Variants in RORA observed in about 807,000 individuals in gnomAD.
The protein encoded by RORA is nuclear receptor ROR-alpha.
In RORA, 7 loss-of-function variants were observed where a neutral mutation model predicts 69.5. The ratio of observed to expected loss-of-function variants is 0.10; its 90% confidence interval spans 0.06 to 0.19. The LOEUF is 0.19. RORA is among the 10% of genes least tolerant of loss of function. RORA has a pLI of 1.00. For missense variants in RORA, 457 were observed against 663.0 expected, an observed-to-expected ratio of 0.69 and a Z score of 3.41; for synonymous variants, 261 against 240.8, an observed-to-expected ratio of 1.08 and a Z score of -0.78.
chr15:61,202,766 AAAAAAC>A (rs1326101372), intron 1 of RORA, among the ~76,000 whole-genome samples: 8 of 152,180 alleles, frequency 5.3e-5, no homozygotes, highest in African/African-American at 1.9e-4. Flanking sequence ...TTCCAGGTAG[AAAAAAC>A]AAAAACAAAC....
intron 1 of RORA, among the ~76,000 whole-genome samples, chr15:60,887,141 T>TGAGAGAGAGA (rs3053903): frequency 1.3e-3 from 197 of 148,004 alleles, no homozygotes; most frequent in African/African-American, 4.3e-3. Flanking sequence ...TTGCCAGAGC[T>TGAGAGAGAGA]GAGAGAGAGA....
intron 2 of RORA, among the ~76,000 whole-genome samples, chr15:60,584,482 G>A (rs1365990610): frequency 1.3e-5 from 2 of 152,226 alleles, no homozygotes; most frequent in Non-Finnish European, 2.9e-5. Flanking sequence ...AAGTCCAACA[G>A]CCATAAAGCA....
rs927216919 is a variant in RORA, at chr15:61,128,877, C to T, written c.166+100176G>A. ...TGAGAGCAACCAACCTGGTCCTGCA[C>T]GCTCATTTACATGGGACCCAAGAAG... On this transcript the variant is annotated intron_variant, in intron 1 of 10. Transcript: ENST00000335670. The surrounding 1 kb of genome is among the most constrained non-coding windows in gnomAD (Gnocchi z 4.5). 1.3e-5 allele frequency among the ~76,000 whole-genome samples: 2 copies of T among 152,182 alleles called. No individual in the cohort carries two copies. Among genetic ancestry groups the T allele is most frequent in the African/African-American group, 4.8e-5 (2 of 41,446 alleles).
At chr15:60,978,683 G>A (rs1566931678) in intron 1 of RORA, among the ~76,000 whole-genome samples, 3 of 151,928 alleles carry the variant, frequency 2.0e-5, no homozygotes, top group Non-Finnish European at 4.4e-5. Context: ...CATCTATTTT[G>A]AATTCCTTTT....
At chr15:60,864,850 G>C (rs547477631) in intron 1 of RORA, among the ~76,000 whole-genome samples, 112 of 152,266 alleles carry the variant, frequency 7.4e-4, no homozygotes, top group African/African-American at 2.5e-3. Context: ...TAATTGCAAC[G>C]GTCTAGTGAA....
At chr15:61,177,049 T>C (rs1321018068) in intron 1 of RORA, among the ~76,000 whole-genome samples, 3 of 152,116 alleles carry the variant, frequency 2.0e-5, no homozygotes, top group South Asian at 2.1e-4. Context: ...ATATCGATGA[T>C]TGAAGATTTA....
chr15:61,220,603 A>T (rs957717875), intron 1 of RORA, among the ~76,000 whole-genome samples: 1 of 152,126 alleles, frequency 6.6e-6, no homozygotes, highest in Admixed American at 6.5e-5. Flanking sequence ...CCATTTCTTC[A>T]GGTTTCTTTA....
At chr15:61,030,161 A>C (rs764601505) in intron 1 of RORA, among the ~76,000 whole-genome samples, 2 of 152,184 alleles carry the variant, frequency 1.3e-5, no homozygotes, top group African/African-American at 2.4e-5. Context: ...TGTTCACATT[A>C]AAGGAAACTA....
At chr15:60,770,296 T>A (rs2072054939) in intron 1 of RORA, among the ~76,000 whole-genome samples, 1 of 152,210 alleles carries the variant, frequency 6.6e-6, no homozygotes, top group African/African-American at 2.4e-5. Flanking sequence ...TTTAATGTTG[T>A]GCCTATTATG....
At chr15:61,050,618 T>C (rs80349823) in intron 1 of RORA, among the ~76,000 whole-genome samples, 53 of 152,238 alleles carry the variant, frequency 3.5e-4, no homozygotes, top group African/African-American at 1.2e-3. Flanking sequence ...TATGGCATAG[T>C]AGAAAGAATG....
intron 2 of RORA, among the ~76,000 whole-genome samples, chr15:60,660,884 A>G (rs964941124): frequency 3.9e-5 from 6 of 152,176 alleles, no homozygotes; most frequent in Admixed American, 1.3e-4. Flanking sequence ...TTGGCAAGAA[A>G]GTGGAGGCTT....
At chr15:61,077,238 A>T (rs1330343444) in intron 1 of RORA, among the ~76,000 whole-genome samples, 3 of 152,020 alleles carry the variant, frequency 2.0e-5, no homozygotes. Context: ...GGGGCAAGGA[A>T]AGGGTAGTGA....
In RORA at chr15:60,905,325, T is replaced by C. The variant is rs1043716150; in HGVS notation, c.167-226639A>G. Among the ~76,000 whole-genome samples the C allele has an allele frequency of 6.6e-6, 1 of 152,226 alleles. No homozygotes were observed. On this transcript the variant is annotated intron_variant, in intron 1 of 10. Coordinates refer to ENST00000335670, the MANE Select transcript of RORA (RefSeq NM_134261.3). The surrounding 1 kb of genome is among the most constrained non-coding windows in gnomAD (Gnocchi z 4.8). ...AGGTTCCTTAATTTGCATCGTTATA[T>C]GAGTGCAAAGCATGATGATAAAATA...
At chr15:60,749,607 C>G (rs1051978626) in intron 1 of RORA, among the ~76,000 whole-genome samples, 4 of 152,300 alleles carry the variant, frequency 2.6e-5, no homozygotes, top group Admixed American at 2.6e-4. Context: ...GTAAATGTTG[C>G]AGGCTGTCTG....
At chr15:61,215,030 AATTTTTTTTT>A in intron 1 of RORA, among the ~76,000 whole-genome samples, 1 of 64,804 alleles carries the variant, frequency 1.5e-5, no homozygotes, top group East Asian at 4.2e-4. Context: ...ACGCCCAGCT[AATTTTTTTTT>A]TTTTTTTTTT....
chr15:61,049,362 T>A (rs1487522149), intron 1 of RORA, among the ~76,000 whole-genome samples: 2 of 152,308 alleles, frequency 1.3e-5, no homozygotes, highest in Non-Finnish European at 2.9e-5. Flanking sequence ...TCGTTTCTGA[T>A]GAGGTGCCAA....
At chr15:60,627,298 A>G (rs1444142402) in intron 2 of RORA, 2 of 1,614,032 alleles carry the variant, frequency 1.2e-6, no homozygotes, top group East Asian at 4.5e-5. Flanking sequence ...TCCAGTTCGA[A>G]GACAATGACC....
intron 1 of RORA, among the ~76,000 whole-genome samples, chr15:60,708,417 CAAAAAAAAAA>C (rs568365743): frequency 1.5e-5 from 1 of 66,424 alleles, no homozygotes; most frequent in Non-Finnish European, 3.2e-5. Flanking sequence ...GACTCCGTCT[CAAAAAAAAAA>C]AAAAAGGAAA....
chr15:60,810,178 C>T (rs1028588699), intron 1 of RORA, among the ~76,000 whole-genome samples: 280 of 152,234 alleles, frequency 1.8e-3, no homozygotes, highest in African/African-American at 6.4e-3. Context: ...TTGGAGACCA[C>T]ACATATCTAA....
Sources: gnomAD v4.1 joint callset for allele counts (sites outside exome capture counted in the v4.1 genomes callset) on GRCh38, gnomAD v4.1.1 for gene constraint, Gnocchi (gnomAD v3.1) non-coding constraint, MANE v1.5 for transcripts, NCBI Gene and HGNC (gene_info 2026-07-23, HGNC 2026-07-21) for gene names.